FEZ2: variants seen among roughly 807,000 people sequenced by gnomAD.
FEZ2 encodes the protein fasciculation and elongation protein zeta 2.
Under a neutral mutation model 40.4 loss-of-function variants are expected in FEZ2, and 51 were observed. The observed-to-expected ratio is 1.26, with a 90% confidence interval of 1.01 to 1.59. The LOEUF is 1.59. FEZ2 is among the 40% of genes most tolerant of loss of function. FEZ2 has a pLI of 0.00. For synonymous variants in FEZ2, 242 were observed against 172.0 expected, an observed-to-expected ratio of 1.41 and a Z score of -3.18; for missense variants, 640 against 438.3, an observed-to-expected ratio of 1.46 and a Z score of -4.11.
chr2:36,561,013 A>G lies in FEZ2; in HGVS notation c.904-2500T>C, dbSNP rs1668078874. On this transcript the variant is annotated intron_variant, in intron 5 of 7. Transcript: ENST00000405912. Reference sequence around the variant, plus strand: ...TCATCCAGATAAAGCACATAAACCCATGCTCTTTTTAAAATGCTGTTGCTT... The same window carrying G: ...TCATCCAGATAAAGCACATAAACCCGTGCTCTTTTTAAAATGCTGTTGCTT... The G allele has an allele frequency of 6.2e-6, 3 of 484,874 alleles. No homozygotes were observed. In the East Asian group the frequency reaches 9.3e-5, roughly 15 times the overall value. The allele number at this position is 484,874 out of a possible 1,614,324, so 30.0% of individuals were successfully genotyped here. A position where few individuals can be genotyped will look rare whatever the true frequency, so the allele number is the denominator to read the frequency against.
At chr2:36,597,389 C>A (rs947599465) in intron 1 of FEZ2, among the ~76,000 whole-genome samples, 1 of 152,216 alleles carries the variant, frequency 6.6e-6, no homozygotes, top group Non-Finnish European at 1.5e-5. Context: ...CTAATTACAT[C>A]CATACATGTA....
intron 5 of FEZ2, among the ~76,000 whole-genome samples, chr2:36,574,214 G>A (rs372868704): frequency 5.9e-5 from 9 of 152,080 alleles, no homozygotes; most frequent in Admixed American, 4.6e-4. Context: ...ATTCAAAGCC[G>A]TCTGTATGTA....
chr2:36,592,625 A>C (rs1669102231), intron 1 of FEZ2, among the ~76,000 whole-genome samples: 1 of 128,974 alleles, frequency 7.8e-6, no homozygotes, highest in South Asian at 2.5e-4. Flanking sequence ...GGGCAACAAA[A>C]GGGAGCCCCA....
At chr2:36,590,418 C>T in intron 2 of FEZ2, 1 of 153,734 alleles carries the variant, frequency 6.5e-6, no homozygotes, top group Non-Finnish European at 1.4e-5. Flanking sequence ...TGGCTCACAC[C>T]TGTAATCCCA....
chr2:36,580,634 C>A (rs1668710059), intron 4 of FEZ2, among the ~76,000 whole-genome samples: 1 of 152,186 alleles, frequency 6.6e-6, no homozygotes, highest in Non-Finnish European at 1.5e-5. Flanking sequence ...ACTATTTGTA[C>A]AAACAGGAAT....
At chr2:36,553,280 G>C in intron 7 of FEZ2, 101 bp from the exon 8 acceptor site, 7 of 896,790 alleles carry the variant, frequency 7.8e-6, no homozygotes, top group Non-Finnish European at 8.8e-6. Flanking sequence ...TAAGTAATGA[G>C]AACTAAATGT....
intron 2 of FEZ2, among the ~76,000 whole-genome samples, chr2:36,586,439 A>G (rs1668900977): frequency 1.3e-5 from 2 of 152,112 alleles, no homozygotes; most frequent in Admixed American, 1.3e-4. Flanking sequence ...GTTTGAGAAC[A>G]GCCTGGGAAA....
intron 3 of FEZ2, among the ~76,000 whole-genome samples, chr2:36,581,956 T>G (rs1668763248): frequency 6.6e-6 from 1 of 152,096 alleles, no homozygotes; most frequent in South Asian, 2.1e-4. Context: ...AGAAAAATAA[T>G]TTTATATATT....
intron 1 of FEZ2, among the ~76,000 whole-genome samples, chr2:36,596,851 C>G (rs1669239675): frequency 6.6e-6 from 1 of 152,134 alleles, no homozygotes; most frequent in African/African-American, 2.4e-5. Flanking sequence ...TTTACTCTCA[C>G]CATTCCTATT....
At chr2:36,578,927 GAGT>G in intron 4 of FEZ2, 62 bp from the exon 5 acceptor site, 2 of 1,409,200 alleles carry the variant, frequency 1.4e-6, no homozygotes, top group Non-Finnish European at 2.0e-6. Context: ...AAGCAAAACA[GAGT>G]AGTCACTAGG....
chr2:36,582,401 T>C (rs931964254), intron 3 of FEZ2, among the ~76,000 whole-genome samples: 1 of 152,134 alleles, frequency 6.6e-6, no homozygotes, highest in East Asian at 1.9e-4. Flanking sequence ...ACAGGAAATA[T>C]AATAAGGTAC....
chr2:36,567,773 A>T (rs1035834231), intron 5 of FEZ2, among the ~76,000 whole-genome samples: 5 of 151,958 alleles, frequency 3.3e-5, no homozygotes, highest in Non-Finnish European at 5.9e-5. Flanking sequence ...AAAAAAAAAA[A>T]AAGAAATCTC....
intron 5 of FEZ2, among the ~76,000 whole-genome samples, chr2:36,571,346 G>A (rs1459906643): frequency 6.6e-6 from 1 of 152,196 alleles, no homozygotes; most frequent in African/African-American, 2.4e-5. Context: ...TTGTTAAAAT[G>A]TGTCAATATT....
chr2:36,556,195 G>C (rs1262529676), intron 6 of FEZ2: 1 of 314,502 alleles, frequency 3.2e-6, no homozygotes, highest in East Asian at 9.9e-5. Flanking sequence ...CCTCCAACAA[G>C]CGTATCCTGT....
intron 5 of FEZ2, among the ~76,000 whole-genome samples, chr2:36,573,387 A>T (rs1000657397): frequency 6.6e-6 from 1 of 152,224 alleles, no homozygotes; most frequent in African/African-American, 2.4e-5. Context: ...TGTTCAACCT[A>T]TTCTTGTATT....
chr2:36,580,374 T>C (rs2125235345), intron 4 of FEZ2, among the ~76,000 whole-genome samples: 1 of 152,294 alleles, frequency 6.6e-6, no homozygotes, highest in South Asian at 2.1e-4. Flanking sequence ...GGGCATGCCA[T>C]AAAGATAAAA....
At chr2:36,559,738 C>T (rs3770801) in intron 5 of FEZ2, among the ~76,000 whole-genome samples, 1 of 152,316 alleles carries the variant, frequency 6.6e-6, no homozygotes, top group South Asian at 2.1e-4. Flanking sequence ...CACCCTGGCC[C>T]GCTCTCTGGC....
At chr2:36,576,565 C>T (rs1668576816) in intron 5 of FEZ2, among the ~76,000 whole-genome samples, 3 of 152,218 alleles carry the variant, frequency 2.0e-5, no homozygotes, top group Non-Finnish European at 4.4e-5. Flanking sequence ...GCCACCGCGC[C>T]CGGCCGCATT....
chr2:36,559,713 G>A (rs1238766453), intron 5 of FEZ2, among the ~76,000 whole-genome samples: 2 of 152,238 alleles, frequency 1.3e-5, no homozygotes, highest in African/African-American at 4.8e-5. Context: ...AACCTGGAGA[G>A]GCACCAGGCG....
Sources: allele counts gnomAD v4.1 joint callset (sites outside exome capture counted in the v4.1 genomes callset), GRCh38; gene constraint gnomAD v4.1.1; transcripts MANE v1.5; gene names NCBI Gene and HGNC (gene_info 2026-07-23, HGNC 2026-07-21).